Variants in DNAJC5B observed in about 807,000 individuals in gnomAD.
DNAJC5B encodes the protein DnaJ heat shock protein family (Hsp40) member C5 beta.
Under a neutral mutation model 24.7 loss-of-function variants are expected in DNAJC5B, and 23 were observed. That is an observed-to-expected ratio of 0.93 (90% CI 0.67 to 1.32). DNAJC5B has a LOEUF of 1.32. DNAJC5B is among the 40% of genes most tolerant of loss of function. The pLI, the probability that DNAJC5B is intolerant of heterozygous loss-of-function variation, is 0.00. For missense variants in DNAJC5B, 238 were observed against 240.8 expected (o/e 0.99, Z 0.08); for synonymous variants, 101 against 90.1 (o/e 1.12, Z -0.68).
intron 1 of DNAJC5B, among the ~76,000 whole-genome samples, chr8:66,038,935 G>A (rs1028855160): frequency 2.0e-5 from 3 of 152,318 alleles, no homozygotes; most frequent in East Asian, 1.9e-4. Context: ...TTGTAGCACA[G>A]TTCTCAGATT....
In DNAJC5B at chr8:66,099,841, C is replaced by T. The variant is rs1808034224; in HGVS notation, c.506-96C>T. On this transcript the variant is annotated intron_variant, in intron 5 of 5. Transcript: ENST00000276570. Reference sequence around the variant, plus strand: ...ATATCTTATGAATTGAGTTGATTTGCCAGTCATGAATTCAACAAAAATACC... The same window carrying T: ...ATATCTTATGAATTGAGTTGATTTGTCAGTCATGAATTCAACAAAAATACC... The T allele has an allele frequency of 2.9e-6, 3 of 1,020,010 alleles. No individual in the cohort carries two copies. The Admixed American group carries it at 6.7e-5, about 23-fold the overall frequency. 63.2% of individuals were successfully genotyped at this position (1,020,010 alleles called of 1,614,324 possible).
chr8:66,028,569 C>T lies in DNAJC5B; in HGVS notation c.-142+6864C>T, dbSNP rs1266014696. Among the ~76,000 whole-genome samples, 6 of 140,608 alleles carry T rather than the reference C, an allele frequency of 4.3e-5. No homozygotes were observed. In the South Asian group the frequency reaches 6.3e-4, roughly 15 times the overall value. The allele number at this position is 140,608 out of a possible 152,430, so 92.2% of individuals were successfully genotyped here. On this transcript the variant is annotated intron_variant, in intron 1 of 5. Coordinates refer to ENST00000276570, the MANE Select transcript of DNAJC5B (RefSeq NM_033105.6). ...CCTTTGTGATTCCCACCTCAGCCAA[C>T]GGGCCTCACCATATTCCCAGTTTCT...
intron 3 of DNAJC5B, chr8:66,056,546 G>GACAAACCAA (rs968901045): frequency 1.3e-5 from 2 of 152,178 alleles, no homozygotes; most frequent in Non-Finnish European, 2.9e-5. Flanking sequence ...AGAAGCGGGA[G>GACAAACCAA]ACAAACCAAA....
intron 5 of DNAJC5B, among the ~76,000 whole-genome samples, chr8:66,090,727 C>A (rs573405410): frequency 6.6e-6 from 1 of 152,220 alleles, no homozygotes; most frequent in African/African-American, 2.4e-5. Flanking sequence ...ACATTTATTA[C>A]ATTTGCTATT....
At chr8:66,020,550 C>T (rs1305108015), upstream of DNAJC5B, among the ~76,000 whole-genome samples, 1 of 150,962 alleles carries the variant, frequency 6.6e-6, no homozygotes, top group Non-Finnish European at 1.5e-5. Context: ...CCTCCCTGTC[C>T]CTTACTCAAC....
At chr8:66,078,790 A>C (rs1444422730) in intron 4 of DNAJC5B, among the ~76,000 whole-genome samples, 1 of 152,026 alleles carries the variant, frequency 6.6e-6, no homozygotes, top group East Asian at 1.9e-4. Flanking sequence ...AAGCTCCCCT[A>C]CTCCAAGCCA....
chr8:66,030,736 T>A (rs7002734), intron 1 of DNAJC5B, among the ~76,000 whole-genome samples: 71,743 of 151,968 alleles, frequency 0.47, 21,650 homozygotes, highest in African/African-American at 0.86. Flanking sequence ...TCCCAGGTTC[T>A]AGCGTTTCTT....
intron 2 of DNAJC5B, among the ~76,000 whole-genome samples, chr8:66,048,240 G>A (rs1351419932): frequency 6.6e-6 from 1 of 152,120 alleles, no homozygotes; most frequent in African/African-American, 2.4e-5. Flanking sequence ...AGTATCCCTA[G>A]AGGGTATTGC....
rs912172304 is a variant in DNAJC5B at position 66,080,371 on chromosome 8, C to T, written c.334-6C>T. The T allele has an allele frequency of 1.2e-6, 2 of 1,609,664 alleles. No individual in the cohort carries two copies. Among genetic ancestry groups the T allele is most frequent in the Non-Finnish European group, 1.7e-6 (2 of 1,178,044 alleles). ...TCCTCATTTTGCTTTACCTCTGTTT[C>T]CCTAGGCCCTGTTTGTCATCGTTGG... On this transcript the variant is annotated splice_region_variant and splice_polypyrimidine_tract_variant and intron_variant, in intron 4 of 5. Transcript: ENST00000276570.
Position 66,076,762 on chromosome 8 carries a change from T to C in DNAJC5B, c.222T>C (p.Ile74=). ...ACGCCCACGCAATACTTACCGACAT[T>C]TCAAAGAGAAGCATATACGACAAGT... The part of the protein sequence containing the change: ...INNAHAILTD[I]SKRSIYDKYG... The change falls in exon 4 of 6, where the codon ATT becomes ATC. Residue 74 remains isoleucine (I), a synonymous_variant. Transcript: ENST00000276570. 6.2e-7 allele frequency: 1 copy of C among 1,614,166 alleles called. No individual in the cohort carries two copies. Among genetic ancestry groups the C allele is most frequent in the Non-Finnish European group, 8.5e-7 (1 of 1,180,020 alleles).
Position 66,099,846 on chromosome 8 carries a change from C to G in DNAJC5B, c.506-91C>G, listed in dbSNP as rs1017708385. On this transcript the variant is annotated intron_variant, in intron 5 of 5. Coordinates refer to ENST00000276570, the MANE Select transcript of DNAJC5B (RefSeq NM_033105.6). ...TTATGAATTGAGTTGATTTGCCAGTCATGAATTCAACAAAAATACCTATCA... is the reference window on the plus strand; with the variant it reads ...TTATGAATTGAGTTGATTTGCCAGTGATGAATTCAACAAAAATACCTATCA... 33 of 1,115,142 alleles carry G rather than the reference C, an allele frequency of 3.0e-5. No individual in the cohort carries two copies. In the African/African-American group the frequency reaches 4.7e-4, roughly 16 times the overall value. 69.1% of individuals were successfully genotyped at this position (1,115,142 alleles called of 1,614,324 possible). A position where few individuals can be genotyped will look rare whatever the true frequency, so the allele number is the denominator to read the frequency against.
intron 3 of DNAJC5B, among the ~76,000 whole-genome samples, chr8:66,067,360 ATGAAGGTCC>A (rs1807243192): frequency 1.3e-5 from 2 of 152,144 alleles, no homozygotes; most frequent in South Asian, 4.1e-4. Context: ...CCCAACAAGG[ATGAAGGTCC>A]TGCAATTTTA....
chr8:66,021,940 C>A (rs1412426599), intron 1 of DNAJC5B, among the ~76,000 whole-genome samples: 1 of 152,100 alleles, frequency 6.6e-6, no homozygotes, highest in African/African-American at 2.4e-5. Flanking sequence ...ATAGCTCCTC[C>A]CCGGATGACA....
At chr8:66,033,411 C>G (rs1464138207) in intron 1 of DNAJC5B, among the ~76,000 whole-genome samples, 1 of 152,244 alleles carries the variant, frequency 6.6e-6, no homozygotes, top group Non-Finnish European at 1.5e-5. Context: ...ATATGACTCA[C>G]TTAGGACTCC....
intron 3 of DNAJC5B, among the ~76,000 whole-genome samples, chr8:66,062,170 G>T (rs1807097996): frequency 6.6e-6 from 1 of 152,236 alleles, no homozygotes; most frequent in Non-Finnish European, 1.5e-5. Context: ...ATGCAAAAAA[G>T]AATTAGAAAA....
chr8:66,096,300 C>T (rs571652121), intron 5 of DNAJC5B, among the ~76,000 whole-genome samples: 1 of 152,288 alleles, frequency 6.6e-6, no homozygotes, highest in East Asian at 1.9e-4. Context: ...TTAATTACCT[C>T]TTTAAAGACC....
chr8:66,026,623 C>T (rs935537352), intron 1 of DNAJC5B, among the ~76,000 whole-genome samples: 7 of 152,242 alleles, frequency 4.6e-5, no homozygotes, highest in African/African-American at 9.6e-5. Flanking sequence ...AGCCCCCATG[C>T]CCACTCTCCC....
At chr8:66,040,387 T>TA (rs58867549) in intron 1 of DNAJC5B, among the ~76,000 whole-genome samples, 7,555 of 147,102 alleles carry the variant, frequency 0.051, 592 homozygotes, top group African/African-American at 0.17. Flanking sequence ...AGACTCCATT[T>TA]AAAAAAAAAA....
At chr8:66,093,628 T>C (rs557953623) in intron 5 of DNAJC5B, among the ~76,000 whole-genome samples, 2 of 152,230 alleles carry the variant, frequency 1.3e-5, no homozygotes, top group African/African-American at 4.8e-5. Context: ...GTATTGATTC[T>C]TCATTGATTA....
Sources: allele counts gnomAD v4.1 joint callset (sites outside exome capture counted in the v4.1 genomes callset), GRCh38; gene constraint gnomAD v4.1.1; transcripts MANE v1.5; gene names NCBI Gene and HGNC (gene_info 2026-07-23, HGNC 2026-07-21).